Variants in SLC7A11 observed in about 807,000 individuals in gnomAD.
SLC7A11 encodes the protein cystine/glutamate transporter.
Under a neutral mutation model 54.5 loss-of-function variants are expected in SLC7A11, and 35 were observed. The ratio of observed to expected loss-of-function variants is 0.64; its 90% CI spans 0.49 to 0.85. The LOEUF (loss-of-function observed/expected upper bound fraction) is 0.85. SLC7A11 is among the 40% of genes least tolerant of loss of function. SLC7A11 has a pLI of 0.00. For synonymous variants in SLC7A11, 230 were observed against 225.2 expected, an observed-to-expected ratio of 1.02 and a Z score of -0.19; for missense variants, 583 against 618.1, an observed-to-expected ratio of 0.94 and a Z score of 0.60.
At position 138,236,454 on chromosome 4, in the gene SLC7A11, G is replaced by A. The variant is rs1482586869; in HGVS notation, c.278-3C>T. On this transcript the variant is annotated splice_polypyrimidine_tract_variant and splice_region_variant and intron_variant, in intron 1 of 11. Transcript: ENST00000280612. ...CAATTCAGCATAAGACAAAGCTCCT[G>A]TGAAATATTTGTCACAAAATGGTAC... 6.2e-7 allele frequency: 1 copy of A among 1,600,206 alleles called. No individual in the cohort carries two copies.
At chr4:138,237,264 G>A (rs1456114753) in intron 1 of SLC7A11, among the ~76,000 whole-genome samples, 4 of 151,898 alleles carry the variant, frequency 2.6e-5, no homozygotes, top group Non-Finnish European at 2.9e-5. Flanking sequence ...TGGGATTACA[G>A]GTGTGAGCCA....
chr4:138,219,509 T>C (rs1030362480), intron 4 of SLC7A11, 144 bp from the exon 5 acceptor site: 1 of 592,110 alleles, frequency 1.7e-6, no homozygotes, highest in Admixed American at 3.1e-5. Flanking sequence ...TTATCAATAC[T>C]GTACCCATTC....
At position 138,167,792 on chromosome 4, in the gene SLC7A11, G is replaced by A. The variant is rs374492041; in HGVS notation, c.*4164C>T. On this transcript the variant is annotated 3_prime_UTR_variant, in exon 12 of 12. Transcript: ENST00000280612. ...TGTACAACATATTATGGAGGGTAAA[G>A]TGAAGCAAGAATATATTCAAGTAAA... is the stretch of plus-strand genomic sequence containing the variant. The A allele has an allele frequency of 2.6e-5, 4 of 152,162 alleles. No homozygotes were observed. In the East Asian group the frequency reaches 5.8e-4, roughly 22 times the overall value. 9.4% of individuals were successfully genotyped at this position (152,162 alleles called of 1,614,324 possible).
At chr4:138,218,245 A>C (rs2148442059) in intron 5 of SLC7A11, among the ~76,000 whole-genome samples, 1 of 152,316 alleles carries the variant, frequency 6.6e-6, no homozygotes, top group East Asian at 1.9e-4. Context: ...TTTGTGTTGG[A>C]AATGCATTCA....
At chr4:138,237,733 ATATATTTTTTTTTTTTTTTT>A (rs1177589001) in intron 1 of SLC7A11, among the ~76,000 whole-genome samples, 3 of 11,562 alleles carry the variant, frequency 2.6e-4, no homozygotes, top group East Asian at 3.0e-3. Context: ...ATATATATAT[ATATATTTTTTTTTTTTTTTT>A]TTTTTTTTTT....
intron 6 of SLC7A11, among the ~76,000 whole-genome samples, chr4:138,195,611 A>C (rs1737113096): frequency 1.3e-5 from 2 of 152,120 alleles, no homozygotes; most frequent in Admixed American, 6.5e-5. Flanking sequence ...CTCCTCAGGG[A>C]AACCTTACCT....
intron 6 of SLC7A11, among the ~76,000 whole-genome samples, chr4:138,212,159 G>A (rs542934417): frequency 1.3e-5 from 2 of 151,868 alleles, no homozygotes; most frequent in Non-Finnish European, 2.9e-5. Flanking sequence ...TATGGATCAA[G>A]AATGCATAAT....
chr4:138,172,388 A>C (rs1305911148), intron 11 of SLC7A11, among the ~76,000 whole-genome samples: 2 of 152,238 alleles, frequency 1.3e-5, no homozygotes, highest in African/African-American at 4.8e-5. Flanking sequence ...ATGAGATTAC[A>C]ATCAGTTCCT....
At position 138,182,395 on chromosome 4, in the gene SLC7A11, T is replaced by A; in HGVS notation, c.1020-2A>T. 3.2e-6 allele frequency: 5 copies of A among 1,579,106 alleles called. No individual in the cohort carries two copies. Among genetic ancestry groups the A allele is most frequent in the Non-Finnish European group, 4.4e-6 (5 of 1,148,916 alleles). On this transcript the variant is annotated splice_acceptor_variant, in intron 8 of 11. Coordinates refer to ENST00000280612, the MANE Select transcript of SLC7A11 (RefSeq NM_014331.4). LOFTEE classifies it high-confidence loss of function. ...TCTCGAGACGCAACATAGAATAACC[T>A]GATGGGAGAGAAATGTGGGTGGAGT...
intron 5 of SLC7A11, among the ~76,000 whole-genome samples, chr4:138,216,547 T>C (rs1483808012): frequency 1.3e-5 from 2 of 152,084 alleles, no homozygotes; most frequent in Non-Finnish European, 2.9e-5. Flanking sequence ...CCTGACTGGG[T>C]TAATGATTTC....
intron 10 of SLC7A11, 90 bp downstream of exon 10, chr4:138,180,551 C>A: frequency 7.5e-7 from 1 of 1,330,928 alleles, no homozygotes; most frequent in Admixed American, 2.2e-5. Flanking sequence ...CTGCCCCCAG[C>A]CCAACCTCCC....
At chr4:138,177,294 T>C (rs1394605654) in intron 11 of SLC7A11, 1 of 152,100 alleles carries the variant, frequency 6.6e-6, no homozygotes, top group Admixed American at 6.6e-5. Flanking sequence ...AAAAAATTAA[T>C]TATGGTAAAG....
chr4:138,173,929 TAATA>T (rs1421714917), intron 11 of SLC7A11, among the ~76,000 whole-genome samples: 2 of 152,122 alleles, frequency 1.3e-5, no homozygotes, highest in Non-Finnish European at 2.9e-5. Context: ...AAGGAAATAT[TAATA>T]AATAGTAAAG....
chr4:138,198,489 T>C (rs924585347), intron 6 of SLC7A11, among the ~76,000 whole-genome samples: 21 of 152,184 alleles, frequency 1.4e-4, no homozygotes, highest in African/African-American at 5.1e-4. Context: ...ATGAATGCAT[T>C]TTCAAACCAT....
chr4:138,173,898 A>G (rs1437132182), intron 11 of SLC7A11, among the ~76,000 whole-genome samples: 3 of 152,200 alleles, frequency 2.0e-5, no homozygotes, highest in South Asian at 2.1e-4. Flanking sequence ...CTTATTCTAT[A>G]AAAATAGGCA....
At chr4:138,227,366 AG>A (rs1188763637) in intron 3 of SLC7A11, among the ~76,000 whole-genome samples, 1 of 152,202 alleles carries the variant, frequency 6.6e-6, no homozygotes, top group African/African-American at 2.4e-5. Context: ...CATTAATTTT[AG>A]AGAAGACAGG....
intron 11 of SLC7A11, chr4:138,174,435 A>G (rs1578626744): frequency 6.6e-6 from 1 of 152,174 alleles, no homozygotes; most frequent in African/African-American, 2.4e-5. Context: ...ACAATATCCA[A>G]TGTGTCTTTC....
At chr4:138,206,226 C>T (rs377522382) in intron 6 of SLC7A11, among the ~76,000 whole-genome samples, 1 of 151,572 alleles carries the variant, frequency 6.6e-6, no homozygotes. Context: ...TGTATTCTCT[C>T]TCTCTCTGTC....
chr4:138,229,495 A>T (rs1388717704), intron 3 of SLC7A11, among the ~76,000 whole-genome samples: 1 of 152,236 alleles, frequency 6.6e-6, no homozygotes, highest in Admixed American at 6.5e-5. Context: ...ATCAAAATTT[A>T]AAAATGAATG....
Sources: gnomAD v4.1 joint callset for allele counts (sites outside exome capture counted in the v4.1 genomes callset) on GRCh38, gnomAD v4.1.1 for gene constraint, MANE v1.5 for transcripts, NCBI Gene and HGNC (gene_info 2026-07-23, HGNC 2026-07-21) for gene names.